The following DIS3L2 variants were observed in gnomAD, a reference collection of about 807,000 sequenced individuals.
DIS3L2 encodes DIS3 like 3'-5' exoribonuclease 2.
Under a neutral mutation model 97.5 loss-of-function variants are expected in DIS3L2, and 34 were observed. That is an observed-to-expected ratio of 0.35 (90% CI 0.27 to 0.46). The LOEUF (loss-of-function observed/expected upper bound fraction) is 0.46. DIS3L2 is among the 20% of genes least tolerant of loss of function. DIS3L2 has a pLI of 1.00. For synonymous variants in DIS3L2, 435 were observed against 445.2 expected (o/e 0.98, Z 0.29); for missense variants, 1,038 against 1,146.0 (o/e 0.91, Z 1.36).
At chr2:232,236,236 C>T (rs1469197469) in intron 10 of DIS3L2, among the ~76,000 whole-genome samples, 1 of 152,044 alleles carries the variant, frequency 6.6e-6, no homozygotes, top group Non-Finnish European at 1.5e-5. Flanking sequence ...GAATTATCCC[C>T]CAGTGAAGGA....
chr2:232,098,338 G>T (rs1697088147), intron 6 of DIS3L2, among the ~76,000 whole-genome samples: 1 of 149,754 alleles, frequency 6.7e-6, no homozygotes, highest in South Asian at 2.1e-4. Flanking sequence ...CAACAGTTAG[G>T]ATTATCGAGG....
chr2:232,341,385 C>T (rs542591103), downstream of DIS3L2, among the ~76,000 whole-genome samples: 8 of 152,330 alleles, frequency 5.3e-5, no homozygotes, highest in East Asian at 5.8e-4. Context: ...TGAAGTACTT[C>T]GCATAGAGCC....
rs529135062 is a variant in DIS3L2, at chr2:232,286,631, C to T, written c.1660-13409C>T. On this transcript the variant is annotated intron_variant, in intron 13 of 20. Transcript: ENST00000325385. ...TACATCAAGAACATCATTGAGTTTC[C>T]GCTATAGCTAGGCACTGTTATTATC... Among the ~76,000 whole-genome samples the T allele has an allele frequency of 5.3e-5, 8 of 152,262 alleles. 1 individual carries two copies. The highest frequency in any genetic ancestry group is 1.9e-4 in the East Asian group (1 of 5,180).
At chr2:232,330,035 G>A in intron 15 of DIS3L2, 39 bp downstream of exon 15, 1 of 1,572,346 alleles carries the variant, frequency 6.4e-7, no homozygotes. Context: ...CCCTGCTTGG[G>A]GGAAAGAAGA....
intron 10 of DIS3L2, among the ~76,000 whole-genome samples, chr2:232,235,572 A>G (rs191108133): frequency 1.4e-3 from 207 of 152,270 alleles, no homozygotes; most frequent in South Asian, 5.8e-3. Context: ...TATCTCCTGT[A>G]ATGAACTCTT....
chr2:232,277,264 C>T (rs1378146856), intron 13 of DIS3L2, among the ~76,000 whole-genome samples: 4 of 152,172 alleles, frequency 2.6e-5, no homozygotes, highest in African/African-American at 9.7e-5. Flanking sequence ...CTGAACATCA[C>T]GCCCCAAGTC....
chr2:232,054,238 TC>T (rs1290552016), intron 5 of DIS3L2, among the ~76,000 whole-genome samples: 4 of 152,216 alleles, frequency 2.6e-5, no homozygotes, highest in African/African-American at 9.6e-5. Context: ...ATTTTGGACA[TC>T]TACTGTGTAC....
intron 14 of DIS3L2, among the ~76,000 whole-genome samples, chr2:232,316,610 A>C (rs1224073580): frequency 1.3e-5 from 2 of 152,168 alleles, no homozygotes; most frequent in African/African-American, 2.4e-5. Flanking sequence ...GTGGGAAGGA[A>C]GGACTTCCCA....
chr2:232,059,992 A>T (rs1004826916), intron 5 of DIS3L2, among the ~76,000 whole-genome samples: 2 of 152,026 alleles, frequency 1.3e-5, no homozygotes, highest in African/African-American at 2.4e-5. Flanking sequence ...TTTCTTTTGG[A>T]TGTATACCCA....
At chr2:232,332,840 G>A (rs1325423507) in intron 16 of DIS3L2, among the ~76,000 whole-genome samples, 1 of 152,174 alleles carries the variant, frequency 6.6e-6, no homozygotes, top group Non-Finnish European at 1.5e-5. Flanking sequence ...GGCGGGATCA[G>A]TGCCAGAGGG....
At chr2:232,332,517 G>A (rs538260315) in intron 16 of DIS3L2, among the ~76,000 whole-genome samples, 2 of 151,468 alleles carry the variant, frequency 1.3e-5, no homozygotes, top group South Asian at 4.2e-4. Context: ...CCAGGCAGTA[G>A]CACTGGCCCT....
intron 8 of DIS3L2, among the ~76,000 whole-genome samples, chr2:232,147,980 C>CCTTT: frequency 8.2e-6 from 1 of 121,692 alleles, no homozygotes; most frequent in Non-Finnish European, 1.8e-5. Flanking sequence ...CCCTCCCCTC[C>CCTTT]CCTCCGCTCC....
chr2:232,029,555 A>G (rs34602188), intron 4 of DIS3L2, among the ~76,000 whole-genome samples: 2 of 151,786 alleles, frequency 1.3e-5, no homozygotes, highest in Non-Finnish European at 1.5e-5. Flanking sequence ...TGTGAAGATC[A>G]CGTGATGAAT....
At chr2:232,342,096 CTGTGTGTG>C (rs59097449), downstream of DIS3L2, among the ~76,000 whole-genome samples, 163 of 149,748 alleles carry the variant, frequency 1.1e-3, no homozygotes, top group Non-Finnish European at 2.0e-3. Context: ...CATCAGTAGG[CTGTGTGTG>C]TGTGTGTGTG....
In DIS3L2 at chr2:232,337,059, A is replaced by AC; in HGVS notation, c.*433dup. ...GGGCAAGGGACCCAGTTCAGGCTTCACCCCTCGCTGCTGAGCCGATGTCAA... is the reference window on the plus strand; with the variant it reads ...GGGCAAGGGACCCAGTTCAGGCTTCACCCCCTCGCTGCTGAGCCGATGTCAA... On this transcript the variant is annotated 3_prime_UTR_variant, in exon 21 of 21. Transcript: ENST00000325385. 9.6e-7 allele frequency: 1 copy of AC among 1,046,252 alleles called. No homozygotes were observed. Among genetic ancestry groups the AC allele is most frequent in the East Asian group, 1.0e-4 (1 of 9,782 alleles). The allele number at this position is 1,046,252 out of a possible 1,614,324, so 64.8% of individuals were successfully genotyped here.
At chr2:232,189,227 T>C (rs919386774) in intron 9 of DIS3L2, among the ~76,000 whole-genome samples, 1 of 152,204 alleles carries the variant, frequency 6.6e-6, no homozygotes, top group African/African-American at 2.4e-5. Context: ...CCTGGGCATT[T>C]ATCCCAGAAA....
intron 10 of DIS3L2, among the ~76,000 whole-genome samples, chr2:232,229,824 G>C (rs1319893109): frequency 6.6e-6 from 1 of 152,164 alleles, no homozygotes; most frequent in Admixed American, 6.5e-5. Context: ...GAGCTCACCA[G>C]TTAAGGAGTT....
chr2:232,029,934 T>C lies in DIS3L2; in HGVS notation c.265-45T>C, dbSNP rs77132797. 1,166 of 1,411,554 alleles carry C rather than the reference T, an allele frequency of 8.3e-4. 18 individuals carry two copies. The East Asian group carries it at 0.016, about 20-fold the overall frequency. 87.4% of individuals were successfully genotyped at this position (1,411,554 alleles called of 1,614,324 possible). On this transcript the variant is annotated intron_variant, in intron 4 of 20. Transcript: ENST00000325385. ...AGCAGGCAATCTGTTTTTTGCTTTA[T>C]GTGTTTTTAAGCTCACTATTGTTTT... is the stretch of plus-strand genomic sequence containing the variant.
intron 9 of DIS3L2, among the ~76,000 whole-genome samples, chr2:232,181,657 G>T (rs1174338111): frequency 6.7e-6 from 1 of 150,168 alleles, no homozygotes; most frequent in Non-Finnish European, 1.5e-5. Flanking sequence ...TTAATTTTTT[G>T]AGACAATGTC....
Sources: gnomAD v4.1 joint callset for allele counts (sites outside exome capture counted in the v4.1 genomes callset) on GRCh38, gnomAD v4.1.1 for gene constraint, MANE v1.5 for transcripts, NCBI Gene and HGNC (gene_info 2026-07-23, HGNC 2026-07-21) for gene names.